The following MICAL3 variants were observed in gnomAD, a reference collection of about 807,000 sequenced individuals.
MICAL3 encodes the protein [F-actin]-monooxygenase MICAL3.
In MICAL3, 62 loss-of-function variants were observed where a neutral mutation model predicts 207.4. The observed-to-expected ratio is 0.30, with a 90% confidence interval of 0.24 to 0.37. The LOEUF (loss-of-function observed/expected upper bound fraction) is 0.37. Among genes scored for constraint, MICAL3 ranks in the 10% least tolerant of loss-of-function variants. MICAL3 has a pLI of 1.00. For missense variants in MICAL3, 2,368 were observed against 2,635.6 expected (o/e 0.90, Z 2.22); for synonymous variants, 1,077 against 1,069.3 (o/e 1.01, Z -0.14).
intron 1 of MICAL3, among the ~76,000 whole-genome samples, chr22:17,968,328 C>G (rs1041319167): frequency 2.6e-5 from 4 of 152,082 alleles, no homozygotes; most frequent in African/African-American, 9.7e-5. Flanking sequence ...CAGACCCGCC[C>G]TACTGAGGGG....
chr22:17,932,191 T>C (rs912622345), intron 1 of MICAL3, among the ~76,000 whole-genome samples: 5 of 151,684 alleles, frequency 3.3e-5, no homozygotes, highest in Admixed American at 6.6e-5. Flanking sequence ...TTCACCAAGG[T>C]TGAAATGAAG....
chr22:18,013,632 C>T (rs1192275164), intron 1 of MICAL3, among the ~76,000 whole-genome samples: 5 of 152,116 alleles, frequency 3.3e-5, no homozygotes, highest in South Asian at 2.1e-4. Context: ...ATGGAGGTGA[C>T]GCATAGGAAA....
chr22:17,901,033 T>C, intron 5 of MICAL3, 36 bp from the exon 6 acceptor site: 1 of 1,607,018 alleles, frequency 6.2e-7, no homozygotes, highest in African/African-American at 1.3e-5. Context: ...TGATAATCAT[T>C]GGCTAGAGAA....
chr22:18,015,422 C>CTTTTT lies in MICAL3; in HGVS notation c.-75+8854_-75+8858dup, dbSNP rs34098867. 3.2e-3 allele frequency among the ~76,000 whole-genome samples: 341 copies of CTTTTT among 105,506 alleles called. 9 individuals are homozygous for CTTTTT. Among genetic ancestry groups the CTTTTT allele is most frequent in the Middle Eastern group, 6.0e-3 (1 of 168 alleles). 69.2% of individuals were successfully genotyped at this position (105,506 alleles called of 152,430 possible). On this transcript the variant is annotated intron_variant, in intron 1 of 31. Transcript: ENST00000441493. Reference sequence around the variant, plus strand: ...TACAAATTTAAGATTTAAGACTCATCTTTTTTTTTTTTTTTTTTTTGAGAT... The same window carrying CTTTTT: ...TACAAATTTAAGATTTAAGACTCATCTTTTTTTTTTTTTTTTTTTTTTTTTGAGAT...
chr22:17,879,572 C>A (rs1399956197), intron 16 of MICAL3, among the ~76,000 whole-genome samples: 1 of 152,208 alleles, frequency 6.6e-6, no homozygotes, highest in Non-Finnish European at 1.5e-5. Flanking sequence ...AATCCCATGA[C>A]ACAAGGCCGA....
rs994816174 is a variant in MICAL3 at position 17,917,714 on chromosome 22, C to A, written c.-74-10828G>T. Among the ~76,000 whole-genome samples the A allele has an allele frequency of 3.3e-5, 5 of 152,346 alleles. No individual in the cohort carries two copies. The East Asian group carries it at 9.7e-4, about 29-fold the overall frequency. On this transcript the variant is annotated intron_variant, in intron 1 of 31. Transcript: ENST00000441493. ...ATGGCCTCTCTCCTGCTCACCAAGG[C>A]CTCCCTGGGCGGGGCTGCCCTGGCC...
chr22:17,885,771 A>C (rs1929814032), intron 16 of MICAL3, 107 bp downstream of exon 16: 1 of 1,196,386 alleles, frequency 8.4e-7, no homozygotes. Flanking sequence ...ATGCCAGCCC[A>C]CGAACGCTGG....
chr22:18,022,225 G>A (rs767941395), intron 1 of MICAL3, among the ~76,000 whole-genome samples: 1 of 152,118 alleles, frequency 6.6e-6, no homozygotes, highest in Admixed American at 6.6e-5. Flanking sequence ...GTCTGCAACA[G>A]TACCTGTGGG....
rs62240572 is a variant in MICAL3 at position 17,877,511 on chromosome 22, T to G, written c.2242-5488A>C. ...TGGAGGTTAGGGAGGTTATGGAGGT[T>G]AGGGAGGTTAGGGAGGTGAGGGAGG... On this transcript the variant is annotated intron_variant, in intron 16 of 31. Transcript: ENST00000441493. Among the ~76,000 whole-genome samples the G allele has an allele frequency of 5.8e-3, 362 of 61,964 alleles. 4 individuals carry two copies. Among genetic ancestry groups the G allele is most frequent in the Non-Finnish European group, 7.8e-3 (232 of 29,646 alleles). 40.7% of individuals were successfully genotyped at this position (61,964 alleles called of 152,430 possible).
At chr22:17,876,852 G>A (rs375115328) in intron 16 of MICAL3, 13 of 121,368 alleles carry the variant, frequency 1.1e-4, no homozygotes, top group East Asian at 5.1e-4. Context: ...GGTTAGGGAG[G>A]TTATGGAGGT....
At chr22:17,898,830 T>A (rs1931089618) in intron 7 of MICAL3, among the ~76,000 whole-genome samples, 1 of 152,214 alleles carries the variant, frequency 6.6e-6, no homozygotes, top group Non-Finnish European at 1.5e-5. Context: ...GACCTGGCTA[T>A]GATGGAGCTC....
chr22:17,975,870 A>G (rs5992139), intron 1 of MICAL3, among the ~76,000 whole-genome samples: 35,189 of 151,898 alleles, frequency 0.23, 4,258 homozygotes, highest in Middle Eastern at 0.29. Context: ...GATCAACATG[A>G]TGAAACCCCA....
chr22:18,001,287 C>T (rs1922982198), intron 1 of MICAL3: 1 of 152,094 alleles, frequency 6.6e-6, no homozygotes, highest in South Asian at 2.1e-4. Context: ...CCAGAACCGC[C>T]CGCCGGAACC....
intron 16 of MICAL3, chr22:17,876,748 G>GGGAGGTTAAGGAGGTTAGGGAAGTTAT (rs1928425719): frequency 6.8e-6 from 1 of 147,204 alleles, no homozygotes; most frequent in South Asian, 2.1e-4. Flanking sequence ...ATGGAGGTTA[G>GGGAGGTTAAGGAGGTTAGGGAAGTTAT]GGAGGTTAAG....
At chr22:18,000,730 G>C (rs1922872235) in intron 1 of MICAL3, among the ~76,000 whole-genome samples, 1 of 152,236 alleles carries the variant, frequency 6.6e-6, no homozygotes, top group Non-Finnish European at 1.5e-5. Context: ...GGCGAAGGCG[G>C]CTGCGATCGC....
chr22:17,864,189 G>A, intron 19 of MICAL3: 4 of 993,348 alleles, frequency 4.0e-6, no homozygotes, highest in Non-Finnish European at 4.8e-6. Context: ...GCTATGACAA[G>A]AATAAATGTG....
chr22:17,849,615 A>G (rs1373513875), intron 19 of MICAL3, among the ~76,000 whole-genome samples: 7 of 144,788 alleles, frequency 4.8e-5, no homozygotes, highest in Non-Finnish European at 9.0e-5. Flanking sequence ...GATTATAGGC[A>G]TCAGCCACTG....
At position 17,868,519 on chromosome 22, in the gene MICAL3, G is replaced by A. The variant is rs141251812; in HGVS notation, c.2429-2507C>T. The stretch of plus-strand genomic sequence containing the variant: ...CCCACAGTCAGTGAACCGCAGAGGC[G>A]GATGTGGTCCAGGATGCTGGTGCCA... On this transcript the variant is annotated intron_variant, in intron 17 of 31. Transcript: ENST00000441493. 7.9e-4 allele frequency among the ~76,000 whole-genome samples: 120 copies of A among 152,240 alleles called. 3 individuals carry two copies. The South Asian group carries it at 0.019, about 24-fold the overall frequency.
At chr22:17,799,963 C>T (rs2061920815) in intron 29 of MICAL3, among the ~76,000 whole-genome samples, 1 of 151,636 alleles carries the variant, frequency 6.6e-6, no homozygotes, top group South Asian at 2.1e-4. Flanking sequence ...CACACACACA[C>T]ACACACACAC....
Sources: allele counts gnomAD v4.1 joint callset (sites outside exome capture counted in the v4.1 genomes callset), GRCh38; gene constraint gnomAD v4.1.1; transcripts MANE v1.5; gene names NCBI Gene and HGNC (gene_info 2026-07-23, HGNC 2026-07-21).